The following GSN variants were observed in gnomAD, a reference collection of about 807,000 sequenced individuals.
GSN encodes actin-depolymerizing factor.
In GSN, 56 loss-of-function variants were observed where a neutral mutation model predicts 85.7. The observed-to-expected ratio is 0.65, with a 90% CI of 0.53 to 0.82. GSN has a LOEUF of 0.82. Ranked by LOEUF, GSN falls within the 40% of genes least tolerant of loss-of-function variation. The probability of loss-of-function intolerance (pLI) is 0.00; values close to 1 mark genes in which losing one functional copy is unlikely to be tolerated. For synonymous variants in GSN, 373 were observed against 399.1 expected (o/e 0.93, Z 0.78); for missense variants, 857 against 979.8 (o/e 0.87, Z 1.67).
Position 121,299,976 on chromosome 9 carries a change from G to A in GSN, c.-9-1987G>A, listed in dbSNP as rs761582266. 2.4e-5 allele frequency: 32 copies of A among 1,340,560 alleles called. No homozygotes were observed. The highest frequency in any genetic ancestry group is 3.0e-5 in the Non-Finnish European group (31 of 1,042,460). 83.0% of individuals were successfully genotyped at this position (1,340,560 alleles called of 1,614,324 possible). A position where few individuals can be genotyped will look rare whatever the true frequency, so the allele number is the denominator to read the frequency against. On this transcript the variant is annotated intron_variant, in intron 2 of 17. Transcript: ENST00000432226. The surrounding 1 kb of genome is among the most constrained non-coding windows in gnomAD (Gnocchi z 4.2). The stretch of plus-strand genomic sequence containing the variant: ...GTCGCGGGGGGCGTCCCAGGCGGGG[G>A]CGCCCCAGGGGCGGGTGCCCGAGGC...
Position 121,332,004 on chromosome 9 carries a change from C to A in GSN, c.2027-430C>A. 1 of 241,746 alleles carries A rather than the reference C, an allele frequency of 4.1e-6. No homozygotes were observed. Among genetic ancestry groups the A allele is most frequent in the Non-Finnish European group, 8.2e-6 (1 of 121,460 alleles). The allele number at this position is 241,746 out of a possible 1,614,324, so 15.0% of individuals were successfully genotyped here. A position where few individuals can be genotyped will look rare whatever the true frequency, so the allele number is the denominator to read the frequency against. ...CCAGGAGTTCACGGCTGCTGTGAGC[C>A]ATGATCGCACCACTATACTGTAGCC... On this transcript the variant is annotated intron_variant, in intron 17 of 17. Coordinates refer to ENST00000432226, the MANE Select transcript of GSN (RefSeq NM_198252.3). This position sits in a 1 kb window ranked among gnomAD's most constrained non-coding sequence, Gnocchi z 4.8.
intron 2 of GSN, among the ~76,000 whole-genome samples, chr9:121,296,784 C>T (rs994039642): frequency 2.0e-5 from 3 of 152,238 alleles, no homozygotes; most frequent in East Asian, 1.9e-4. Flanking sequence ...ATGGTCTCCA[C>T]TCATCAGTGC....
intron 7 of GSN, among the ~76,000 whole-genome samples, chr9:121,316,150 T>G (rs2061681148): frequency 6.6e-6 from 1 of 152,242 alleles, no homozygotes. Context: ...TGGATATTGT[T>G]AAACTTTTGA....
rs16910461 is a variant in GSN, at chr9:121,261,576, G to A, written c.-340-3578G>A. Among the ~76,000 whole-genome samples the A allele has an allele frequency of 7.9e-3, 1,200 of 152,270 alleles. 16 individuals are homozygous for A. The highest frequency in any genetic ancestry group is 0.027 in the African/African-American group (1,131 of 41,538). On this transcript the variant is annotated intron_variant, in intron 6 of 24. Transcript: ENST00000373823. This position sits in a 1 kb window ranked among gnomAD's most constrained non-coding sequence, Gnocchi z 4.1. Reference sequence around the variant, plus strand: ...AGTAGTTCCAATCTGAGAAATTTTCGTCAGCTTTGGAGGAGATAATGCCCA... The same window carrying A: ...AGTAGTTCCAATCTGAGAAATTTTCATCAGCTTTGGAGGAGATAATGCCCA...
intron 2 of GSN, among the ~76,000 whole-genome samples, chr9:121,291,616 C>T (rs536467103): frequency 2.6e-5 from 4 of 152,022 alleles, no homozygotes; most frequent in Non-Finnish European, 4.4e-5. Context: ...GATGGGGTTT[C>T]ACCATGTTAG....
At position 121,299,926 on chromosome 9, in the gene GSN, C is replaced by T; in HGVS notation, c.-9-2037C>T. 1 of 1,261,178 alleles carries T rather than the reference C, an allele frequency of 7.9e-7. No individual in the cohort carries two copies. The highest frequency in any genetic ancestry group is 1.0e-6 in the Non-Finnish European group (1 of 1,001,988). 78.1% of individuals were successfully genotyped at this position (1,261,178 alleles called of 1,614,324 possible). On this transcript the variant is annotated intron_variant, in intron 2 of 17. Coordinates refer to ENST00000432226, the MANE Select transcript of GSN (RefSeq NM_198252.3). This position sits in a 1 kb window ranked among gnomAD's most constrained non-coding sequence, Gnocchi z 4.2. ...CTGTCCCTGGCGCTGTGCGCGCTGT[C>T]GCTGCCCGTCCGCGCGGCCACTGCG...
At chr9:121,230,740 C>CCAATGTCAATAGACATTG (rs2054372097) in intron 4 of GSN, among the ~76,000 whole-genome samples, 1 of 152,128 alleles carries the variant, frequency 6.6e-6, no homozygotes, top group Non-Finnish European at 1.5e-5. Flanking sequence ...CATGCTGATG[C>CCAATGTCAATAGACATTG]TCAATAGACA....
At chr9:121,323,536 AT>A (rs1387429903) in intron 11 of GSN, among the ~76,000 whole-genome samples, 1 of 136,544 alleles carries the variant, frequency 7.3e-6, no homozygotes, top group Non-Finnish European at 1.6e-5. Context: ...CACCCAACTA[AT>A]TTTTGTATTT....
chr9:121,282,499 T>C (rs1416556666), intron 2 of GSN: 1 of 1,257,748 alleles, frequency 8.0e-7, no homozygotes, highest in Non-Finnish European at 1.0e-6. Flanking sequence ...GGCTTCCAGA[T>C]GGTGACATGA....
chr9:121,288,149 A>G (rs2058337442), intron 2 of GSN, among the ~76,000 whole-genome samples: 1 of 150,994 alleles, frequency 6.6e-6, no homozygotes, highest in Admixed American at 6.6e-5. Flanking sequence ...CTGATCTTGA[A>G]CTCCTGAACT....
intron 1 of GSN, among the ~76,000 whole-genome samples, chr9:121,273,488 C>G (rs1199566932): frequency 6.6e-6 from 1 of 151,902 alleles, no homozygotes; most frequent in Non-Finnish European, 1.5e-5. Context: ...CTTATTATTT[C>G]TATTACACTT....
intron 6 of GSN, among the ~76,000 whole-genome samples, chr9:121,250,536 G>GGT (rs369338024): frequency 0.028 from 4,186 of 151,316 alleles, 211 homozygotes; most frequent in African/African-American, 0.096. Context: ...ACACCTGTTT[G>GGT]GTGTGTGTGT....
At chr9:121,224,430 GGT>G (rs2054234427) in intron 4 of GSN, among the ~76,000 whole-genome samples, 1 of 152,080 alleles carries the variant, frequency 6.6e-6, no homozygotes, top group South Asian at 2.1e-4. Flanking sequence ...AGAATTCAAG[GGT>G]TATGCAAAGA....
At chr9:121,228,940 C>T (rs1190310526) in intron 4 of GSN, among the ~76,000 whole-genome samples, 2 of 152,160 alleles carry the variant, frequency 1.3e-5, no homozygotes, top group African/African-American at 4.8e-5. Flanking sequence ...TAAGACTCTT[C>T]GCTTCTAATA....
At chr9:121,275,853 A>C (rs1395974228) in intron 1 of GSN, among the ~76,000 whole-genome samples, 3 of 152,160 alleles carry the variant, frequency 2.0e-5, no homozygotes, top group African/African-American at 7.2e-5. Context: ...GGGATTTCAG[A>C]CTCCATCTTT....
chr9:121,259,185 G>A lies in GSN; in HGVS notation c.-340-5969G>A, dbSNP rs139083081. Among the ~76,000 whole-genome samples the A allele has an allele frequency of 2.5e-3, 379 of 152,328 alleles. 3 individuals are homozygous for A. The highest frequency in any genetic ancestry group is 8.9e-3 in the African/African-American group (368 of 41,574). On this transcript the variant is annotated intron_variant, in intron 6 of 24. Coordinates refer to the GSN transcript ENST00000373823. ...ATCTGGCCCTGCCCTCAGGGAGCTC[G>A]AAGTCTAGTGTGGGAGATGGTAAAC...
chr9:121,263,157 G>A (rs2055121953), upstream of GSN, among the ~76,000 whole-genome samples: 1 of 152,182 alleles, frequency 6.6e-6, no homozygotes, highest in African/African-American at 2.4e-5. Context: ...GAGGGAGAAG[G>A]AAAACCCTGA....
At chr9:121,275,407 G>T (rs1588612973) in intron 1 of GSN, among the ~76,000 whole-genome samples, 1 of 152,122 alleles carries the variant, frequency 6.6e-6, no homozygotes, top group African/African-American at 2.4e-5. Context: ...CTGGGAATTT[G>T]TATTATCTCA....
chr9:121,259,937 G>C (rs1331011506), intron 6 of GSN, among the ~76,000 whole-genome samples: 8 of 152,170 alleles, frequency 5.3e-5, no homozygotes, highest in African/African-American at 1.9e-4. Context: ...CTGTTTAAAG[G>C]CTCCTCCCCC....
Sources: gnomAD v4.1 joint callset for allele counts (sites outside exome capture counted in the v4.1 genomes callset) on GRCh38, gnomAD v4.1.1 for gene constraint, Gnocchi (gnomAD v3.1) non-coding constraint, MANE v1.5 for transcripts, NCBI Gene and HGNC (gene_info 2026-07-23, HGNC 2026-07-21) for gene names.